Variants in KCNQ1 observed in about 807,000 individuals in gnomAD.
The protein encoded by KCNQ1 is potassium voltage-gated channel subfamily Q member 1, also known as potassium voltage-gated channel subfamily KQT member 1.
Under a neutral mutation model 72.4 loss-of-function variants are expected in KCNQ1, and 49 were observed. The observed-to-expected ratio is 0.68, with a 90% confidence interval of 0.54 to 0.86. The LOEUF is 0.86. KCNQ1 is among the 40% of genes least tolerant of loss of function. The pLI is 0.00. For missense variants in KCNQ1, 790 were observed against 945.1 expected, an observed-to-expected ratio of 0.84 and a Z score of 2.15; for synonymous variants, 450 against 412.6, an observed-to-expected ratio of 1.09 and a Z score of -1.10.
rs1848982987 is a variant in KCNQ1 at position 2,611,793 on chromosome 11, C to A, written c.1393+22939C>A. The A allele has an allele frequency of 2.5e-6, 1 of 398,392 alleles. No individual in the cohort carries two copies. Among genetic ancestry groups the A allele is most frequent in the Admixed American group, 4.4e-5 (1 of 22,716 alleles). The allele number at this position is 398,392 out of a possible 1,614,324, so 24.7% of individuals were successfully genotyped here. Reference sequence around the variant, plus strand: ...CTCATATCACTTTTGTTCCTCTCTTCCTCCTTTACTGCCTTCTGCAGGTTG... The same window carrying A: ...CTCATATCACTTTTGTTCCTCTCTTACTCCTTTACTGCCTTCTGCAGGTTG... On this transcript the variant is annotated intron_variant, in intron 10 of 15. Coordinates refer to ENST00000155840, the MANE Select transcript of KCNQ1 (RefSeq NM_000218.3). The surrounding 1 kb of genome is among the most constrained non-coding windows in gnomAD (Gnocchi z 5.3).
At chr11:2,761,528 C>T (rs537775877) in intron 11 of KCNQ1, among the ~76,000 whole-genome samples, 5 of 152,272 alleles carry the variant, frequency 3.3e-5, no homozygotes, top group South Asian at 2.1e-4. Flanking sequence ...GCACATAGGC[C>T]GTAGGGTGGA....
rs1847663804 is a variant in KCNQ1 at position 2,818,418 on chromosome 11, G to T, written c.1795-29349G>T. 6.6e-6 allele frequency among the ~76,000 whole-genome samples: 1 copy of T among 152,226 alleles called. No homozygotes were observed. The highest frequency in any genetic ancestry group is 1.5e-5 in the Non-Finnish European group (1 of 68,030). On this transcript the variant is annotated intron_variant, in intron 15 of 15. Transcript: ENST00000155840. The surrounding 1 kb of genome is among the most constrained non-coding windows in gnomAD (Gnocchi z 7.2). ...AGAGTGTGCATCCTAAGGTGGTTCA[G>T]AGGTCCTCAGAAAGTGCCAAGAGGC...
chr11:2,648,104 C>G, intron 10 of KCNQ1: 1 of 360,300 alleles, frequency 2.8e-6, no homozygotes. Flanking sequence ...TACTCAGAAG[C>G]TGAGGCAGGA....
intron 15 of KCNQ1, among the ~76,000 whole-genome samples, chr11:2,795,300 G>A (rs2134014719): frequency 6.6e-6 from 1 of 152,368 alleles, no homozygotes; most frequent in African/African-American, 2.4e-5. Flanking sequence ...CTGCAGTTGG[G>A]GCACTGCACC....
chr11:2,778,648 CT>C (rs1300051849), intron 15 of KCNQ1, among the ~76,000 whole-genome samples: 1 of 152,192 alleles, frequency 6.6e-6, no homozygotes, highest in Non-Finnish European at 1.5e-5. Context: ...GTGGGAGGGC[CT>C]TTCTCGGGCC....
chr11:2,636,934 A>G (rs547710314), intron 10 of KCNQ1: 1 of 152,296 alleles, frequency 6.6e-6, no homozygotes, highest in Non-Finnish European at 1.5e-5. Flanking sequence ...GTCTCCAGGA[A>G]TTTATCCATT....
chr11:2,535,853 G>A (rs764514383), intron 2 of KCNQ1, among the ~76,000 whole-genome samples: 3 of 152,224 alleles, frequency 2.0e-5, no homozygotes, highest in Non-Finnish European at 4.4e-5. Context: ...GAACCCCGGC[G>A]CTGCTGCTCC....
In KCNQ1 at chr11:2,471,072, G is replaced by A. The variant is rs1846445185; in HGVS notation, c.386+25588G>A. On this transcript the variant is annotated intron_variant, in intron 1 of 15. Transcript: ENST00000155840. The surrounding 1 kb of genome is among the most constrained non-coding windows in gnomAD (Gnocchi z 4.8). ...GGGTTCCAGCACATTTGCTGGGATG[G>A]CCCTCCTCCCTCCACAGCAGAGTTC... 6.6e-6 allele frequency among the ~76,000 whole-genome samples: 1 copy of A among 152,056 alleles called. No individual in the cohort carries two copies. Among genetic ancestry groups the A allele is most frequent in the Non-Finnish European group, 1.5e-5 (1 of 67,962 alleles).
chr11:2,451,375 G>C lies in KCNQ1; in HGVS notation c.386+5891G>C, dbSNP rs1051621440. On this transcript the variant is annotated intron_variant, in intron 1 of 15. Coordinates refer to ENST00000155840, the MANE Select transcript of KCNQ1 (RefSeq NM_000218.3). The surrounding 1 kb of genome is among the most constrained non-coding windows in gnomAD (Gnocchi z 6.4). ...AACAGGAGGTAGAGCTCAGGTGGCC[G>C]TGCACATTCACCTGACGCTCACTCA... Among the ~76,000 whole-genome samples, 1 of 152,162 alleles carries C rather than the reference G, an allele frequency of 6.6e-6. No individual in the cohort carries two copies. The highest frequency in any genetic ancestry group is 1.5e-5 in the Non-Finnish European group (1 of 68,034).
chr11:2,821,340 A>G (rs1248430829), intron 15 of KCNQ1, among the ~76,000 whole-genome samples: 1 of 152,202 alleles, frequency 6.6e-6, no homozygotes, highest in Admixed American at 6.5e-5. Context: ...GGGTTGGGGA[A>G]TATGGTGAGA....
chr11:2,776,803 G>A (rs1449469295), intron 13 of KCNQ1, among the ~76,000 whole-genome samples, 183 bp from the exon 14 acceptor site: 3 of 152,184 alleles, frequency 2.0e-5, no homozygotes, highest in East Asian at 1.9e-4. Context: ...CAGCCCCCTC[G>A]GGAGCATGGC....
chr11:2,666,102 A>G, intron 11 of KCNQ1: 1 of 398,650 alleles, frequency 2.5e-6, no homozygotes, highest in Non-Finnish European at 4.4e-6. Flanking sequence ...CAGCCCAGTC[A>G]TGTGGTTTCT....
At position 2,668,169 on chromosome 11, in the gene KCNQ1, G is replaced by A. The variant is rs1321036336; in HGVS notation, c.1514+6088G>A. 5.0e-6 allele frequency: 2 copies of A among 398,470 alleles called. No homozygotes were observed. Among genetic ancestry groups the A allele is most frequent in the Admixed American group, 4.4e-5 (1 of 22,712 alleles). The allele number at this position is 398,470 out of a possible 1,614,324, so 24.7% of individuals were successfully genotyped here. A position where few individuals can be genotyped will look rare whatever the true frequency, so the allele number is the denominator to read the frequency against. On this transcript the variant is annotated intron_variant, in intron 11 of 15. Coordinates refer to ENST00000155840, the MANE Select transcript of KCNQ1 (RefSeq NM_000218.3). This position sits in a 1 kb window ranked among gnomAD's most constrained non-coding sequence, Gnocchi z 4.3. ...GGGAGAGTGCTCCCTCATGCTCCTTGCTGACTGGTGCTCCATTGTGTGCAT... is the reference window on the plus strand; with the variant it reads ...GGGAGAGTGCTCCCTCATGCTCCTTACTGACTGGTGCTCCATTGTGTGCAT...
chr11:2,532,072 A>G (rs1847643842), intron 2 of KCNQ1, among the ~76,000 whole-genome samples: 1 of 152,044 alleles, frequency 6.6e-6, no homozygotes, highest in African/African-American at 2.4e-5. Context: ...TGTCCTCGGG[A>G]GTGTCAGCAC....
At position 2,611,098 on chromosome 11, in the gene KCNQ1, A is replaced by G. The variant is rs1848973772; in HGVS notation, c.1393+22244A>G. 7.5e-6 allele frequency: 3 copies of G among 398,260 alleles called. No individual in the cohort carries two copies. Among genetic ancestry groups the G allele is most frequent in the Admixed American group, 4.4e-5 (1 of 22,704 alleles). 24.7% of individuals were successfully genotyped at this position (398,260 alleles called of 1,614,324 possible). On this transcript the variant is annotated intron_variant, in intron 10 of 15. Transcript: ENST00000155840. This position sits in a 1 kb window ranked among gnomAD's most constrained non-coding sequence, Gnocchi z 5.3. ...AGCTGTTATAAATTTTTATTTCTTT[A>G]TGACTTCTGTTTATGATTTCTATTT...
In KCNQ1 at chr11:2,462,913, C is replaced by T. The variant is rs1846298881; in HGVS notation, c.386+17429C>T. ...GCCCAGCCTGGGGTTCAGGTTTCTT[C>T]CCCGTGAGCTGAGCAGACAGGGAGG... On this transcript the variant is annotated intron_variant, in intron 1 of 15. Coordinates refer to ENST00000155840, the MANE Select transcript of KCNQ1 (RefSeq NM_000218.3). This position sits in a 1 kb window ranked among gnomAD's most constrained non-coding sequence, Gnocchi z 8.2. 6.6e-6 allele frequency among the ~76,000 whole-genome samples: 1 copy of T among 152,174 alleles called. No homozygotes were observed.
intron 11 of KCNQ1, among the ~76,000 whole-genome samples, chr11:2,729,451 C>T (rs1412002905): frequency 6.6e-6 from 1 of 152,240 alleles, no homozygotes; most frequent in Admixed American, 6.5e-5. Context: ...CCAGGGACAG[C>T]AGTGACAATA....
rs1846306766 is a variant in KCNQ1, at chr11:2,463,405, G to T, written c.386+17921G>T. 1.3e-5 allele frequency among the ~76,000 whole-genome samples: 2 copies of T among 152,170 alleles called. No individual in the cohort carries two copies. Among genetic ancestry groups the T allele is most frequent in the Non-Finnish European group, 2.9e-5 (2 of 68,000 alleles). On this transcript the variant is annotated intron_variant, in intron 1 of 15. Transcript: ENST00000155840. This position sits in a 1 kb window ranked among gnomAD's most constrained non-coding sequence, Gnocchi z 7.0. The stretch of plus-strand genomic sequence containing the variant: ...AGGAGCCTGGTACAGCTGCACGGAG[G>T]CGCAGCACCCACAGGACAAGTGGTG...
Position 2,537,306 on chromosome 11 carries a change from G to A in KCNQ1, c.477+9288G>A, listed in dbSNP as rs1847748434. ...CCATGGAGACCATGCAGCCCACAGG[G>A]CCTAAGATTTCTACTACCTGACCTT... is the stretch of plus-strand genomic sequence containing the variant. On this transcript the variant is annotated intron_variant, in intron 2 of 15. Transcript: ENST00000155840. This position sits in a 1 kb window ranked among gnomAD's most constrained non-coding sequence, Gnocchi z 5.2. Among the ~76,000 whole-genome samples, 1 of 152,082 alleles carries A rather than the reference G, an allele frequency of 6.6e-6. No individual in the cohort carries two copies. Among genetic ancestry groups the A allele is most frequent in the Non-Finnish European group, 1.5e-5 (1 of 68,030 alleles).
Sources: gnomAD v4.1 joint callset for allele counts (sites outside exome capture counted in the v4.1 genomes callset) on GRCh38, gnomAD v4.1.1 for gene constraint, Gnocchi (gnomAD v3.1) non-coding constraint, MANE v1.5 for transcripts, NCBI Gene and HGNC (gene_info 2026-07-23, HGNC 2026-07-21) for gene names.